The following PDE1C variants were observed in gnomAD, a reference collection of about 807,000 sequenced individuals.
PDE1C encodes the protein phosphodiesterase 1C.
In PDE1C, 62 loss-of-function variants were observed where a neutral mutation model predicts 93.1. The ratio of observed to expected loss-of-function variants is 0.67; its 90% CI spans 0.54 to 0.82. PDE1C has a LOEUF of 0.82. Among genes scored for constraint, PDE1C ranks in the 40% least tolerant of loss-of-function variants. The pLI is 0.00. For missense variants in PDE1C, 742 were observed against 884.6 expected, an observed-to-expected ratio of 0.84 and a Z score of 2.04; for synonymous variants, 325 against 310.1, an observed-to-expected ratio of 1.05 and a Z score of -0.50.
intron 11 of PDE1C, among the ~76,000 whole-genome samples, chr7:31,835,665 G>C (rs1026941461): frequency 6.7e-6 from 1 of 150,208 alleles, no homozygotes; most frequent in African/African-American, 2.5e-5. Flanking sequence ...CCCTCCCCCC[G>C]CTCCCCCAAC....
chr7:32,147,292 G>GAAAGAAAGAAAGAAAGAAAGAAA (rs1563352658), intron 3 of PDE1C, among the ~76,000 whole-genome samples: 5 of 130,176 alleles, frequency 3.8e-5, no homozygotes, highest in African/African-American at 1.6e-4. Flanking sequence ...AAGAAAGAAA[G>GAAAGAAAGAAAGAAAGAAAGAAA]AAAGAAAGAA....
intron 7 of PDE1C, among the ~76,000 whole-genome samples, chr7:31,856,636 G>A (rs540146686): frequency 1.5e-4 from 22 of 151,020 alleles, no homozygotes; most frequent in Admixed American, 2.6e-4. Context: ...CACAATACGT[G>A]GAAGTAAGTG....
chr7:32,385,445 A>G (rs1470534688), intron 1 of PDE1C, among the ~76,000 whole-genome samples: 1 of 152,142 alleles, frequency 6.6e-6, no homozygotes, highest in Non-Finnish European at 1.5e-5. Context: ...AATATGGGAC[A>G]GGGATCAGGG....
At chr7:31,639,072 C>T in the PDE1C span, among the ~76,000 whole-genome samples, 1 of 152,140 alleles carries the variant, frequency 6.6e-6, no homozygotes, top group Non-Finnish European at 1.5e-5. Context: ...CCACTGCGCC[C>T]AGCCAGTAAT....
chr7:32,309,310 G>A (rs981095370), intron 1 of PDE1C, among the ~76,000 whole-genome samples: 1 of 152,236 alleles, frequency 6.6e-6, no homozygotes, highest in Non-Finnish European at 1.5e-5. Context: ...ATGGAACCAA[G>A]TTGGAAAACA....
At chr7:32,210,098 C>T (rs149220466) in intron 1 of PDE1C, among the ~76,000 whole-genome samples, 6 of 152,312 alleles carry the variant, frequency 3.9e-5, no homozygotes, top group Middle Eastern at 6.8e-3. Flanking sequence ...GCCCTAGAAA[C>T]CTTACCCCTA....
intron 17 of PDE1C, among the ~76,000 whole-genome samples, chr7:31,766,020 T>C (rs1795120864): frequency 6.6e-6 from 1 of 152,278 alleles, no homozygotes; most frequent in South Asian, 2.1e-4. Context: ...ATTGTGAGGA[T>C]TCAATGACAT....
rs150346405 is a variant in PDE1C at position 31,996,334 on chromosome 7, T to C, written c.128+55220A>G. Among the ~76,000 whole-genome samples the C allele has an allele frequency of 3.9e-3, 581 of 150,144 alleles. 5 individuals carry two copies. The highest frequency in any genetic ancestry group is 0.013 in the African/African-American group (538 of 40,774). ...ACAGGCCTGAAAGACTTAATAAAGATCACCCACAATGATCTTCAAAACTAA... is the reference window on the plus strand; with the variant it reads ...ACAGGCCTGAAAGACTTAATAAAGACCACCCACAATGATCTTCAAAACTAA... On this transcript the variant is annotated intron_variant, in intron 2 of 17. Coordinates refer to ENST00000396191, the MANE Select transcript of PDE1C (RefSeq NM_001191057.4).
intron 3 of PDE1C, among the ~76,000 whole-genome samples, chr7:32,145,739 T>G (rs911007429): frequency 6.6e-6 from 1 of 152,168 alleles, no homozygotes; most frequent in Admixed American, 6.5e-5. Context: ...TTATTTTATT[T>G]TCACCATAAT....
chr7:32,294,531 G>C (rs1282855034), intron 1 of PDE1C, among the ~76,000 whole-genome samples: 1 of 152,204 alleles, frequency 6.6e-6, no homozygotes, highest in Non-Finnish European at 1.5e-5. Context: ...ACAGGGAGGA[G>C]CATCAAAAGA....
intron 2 of PDE1C, among the ~76,000 whole-genome samples, chr7:32,023,800 A>G (rs1275865569): frequency 6.6e-6 from 1 of 152,168 alleles, no homozygotes; most frequent in East Asian, 1.9e-4. Context: ...TAGAAGTGTT[A>G]CCATGATGGC....
the PDE1C span, among the ~76,000 whole-genome samples, chr7:31,687,875 C>A: frequency 6.6e-6 from 1 of 152,122 alleles, no homozygotes; most frequent in Non-Finnish European, 1.5e-5. Flanking sequence ...TAAATCAAGA[C>A]CTGATTACTT....
At chr7:31,651,674 T>G in the PDE1C span, among the ~76,000 whole-genome samples, 3 of 152,056 alleles carry the variant, frequency 2.0e-5, no homozygotes, top group Admixed American at 2.0e-4. Flanking sequence ...TAAAACTGAA[T>G]AGTGGTGATG....
intron 1 of PDE1C, among the ~76,000 whole-genome samples, chr7:32,306,368 A>G (rs1158582697): frequency 1.3e-5 from 2 of 152,176 alleles, no homozygotes; most frequent in Non-Finnish European, 2.9e-5. Context: ...CTCCACAACC[A>G]AATTGGGGAG....
At chr7:32,347,729 A>C (rs1783882427) in intron 1 of PDE1C, among the ~76,000 whole-genome samples, 1 of 152,228 alleles carries the variant, frequency 6.6e-6, no homozygotes, top group African/African-American at 2.4e-5. Flanking sequence ...TTTGAAAGCC[A>C]GCAAACATCT....
At chr7:32,220,600 G>A (rs961117646) in intron 1 of PDE1C, among the ~76,000 whole-genome samples, 2 of 152,046 alleles carry the variant, frequency 1.3e-5, no homozygotes, top group Non-Finnish European at 2.9e-5. Context: ...CGGATCACGA[G>A]GTCAGGAGAT....
chr7:32,010,107 C>T (rs1203007698), intron 2 of PDE1C, among the ~76,000 whole-genome samples: 1 of 152,204 alleles, frequency 6.6e-6, no homozygotes, highest in African/African-American at 2.4e-5. Context: ...TCAAATCTAT[C>T]TATGATTCAG....
intron 1 of PDE1C, among the ~76,000 whole-genome samples, chr7:32,409,605 A>G (rs1785125055): frequency 6.6e-6 from 1 of 152,156 alleles, no homozygotes; most frequent in South Asian, 2.1e-4. Flanking sequence ...ATATGGTTCA[A>G]TATTTGGAAA....
intron 2 of PDE1C, among the ~76,000 whole-genome samples, chr7:31,961,401 G>T (rs1338403764): frequency 6.6e-6 from 1 of 151,944 alleles, no homozygotes; most frequent in East Asian, 1.9e-4. Flanking sequence ...AAGTATAATT[G>T]AAATTTCTCT....
Sources: gnomAD v4.1 joint callset for allele counts (sites outside exome capture counted in the v4.1 genomes callset) on GRCh38, gnomAD v4.1.1 for gene constraint, MANE v1.5 for transcripts, NCBI Gene and HGNC (gene_info 2026-07-23, HGNC 2026-07-21) for gene names.